The following OPCML variants were observed in gnomAD, a reference collection of about 807,000 sequenced individuals.
OPCML encodes the protein opioid binding protein/cell adhesion molecule like.
In OPCML, 13 loss-of-function variants were observed where a neutral mutation model predicts 37.8. The observed-to-expected ratio is 0.34, with a 90% CI of 0.22 to 0.55. OPCML has a LOEUF of 0.55. OPCML is among the 20% of genes least tolerant of loss of function. The pLI, the probability that OPCML is intolerant of heterozygous loss-of-function variation, is 0.91. For missense variants in OPCML, 341 were observed against 435.6 expected (o/e 0.78, Z 1.93); for synonymous variants, 176 against 168.8 (o/e 1.04, Z -0.33).
chr11:133,343,045 C>A (rs1474716430), intron 1 of OPCML, among the ~76,000 whole-genome samples: 2 of 152,122 alleles, frequency 1.3e-5, no homozygotes, highest in South Asian at 2.1e-4. Context: ...CCCAGGCTGG[C>A]CTTGACCTCC....
At chr11:133,073,085 A>G (rs1167305763) in intron 1 of OPCML, among the ~76,000 whole-genome samples, 10 of 152,200 alleles carry the variant, frequency 6.6e-5, no homozygotes, top group Admixed American at 5.2e-4. Flanking sequence ...CTTCTGAGGA[A>G]CCAGGTACGA....
rs1465354180 is a variant in OPCML at position 132,419,336 on chromosome 11, G to A, written c.*857C>T. The A allele has an allele frequency of 6.6e-6, 1 of 152,214 alleles. No homozygotes were observed. The highest frequency in any genetic ancestry group is 1.5e-5 in the Non-Finnish European group (1 of 68,044). 9.4% of individuals were successfully genotyped at this position (152,214 alleles called of 1,614,324 possible). On this transcript the variant is annotated 3_prime_UTR_variant, in exon 8 of 8. Transcript: ENST00000524381. Reference sequence around the variant, plus strand: ...ACAGGTGGGTAGATAATTGGATGGTGAGATAAATCAGATATTTGAGTAGAT... The same window carrying A: ...ACAGGTGGGTAGATAATTGGATGGTAAGATAAATCAGATATTTGAGTAGAT...
intron 1 of OPCML, among the ~76,000 whole-genome samples, chr11:133,083,179 CCG>C (rs1204884979): frequency 2.6e-5 from 4 of 152,298 alleles, no homozygotes; most frequent in African/African-American, 4.8e-5. Flanking sequence ...GCCGAGCGGG[CCG>C]CACAGTCACT....
At chr11:133,500,713 T>G (rs958766099) in intron 1 of OPCML, among the ~76,000 whole-genome samples, 3 of 152,310 alleles carry the variant, frequency 2.0e-5, no homozygotes, top group Admixed American at 1.3e-4. Context: ...GCTCCCTTAA[T>G]TCAAGTCAGT....
At chr11:133,463,932 A>T (rs181392488) in intron 1 of OPCML, among the ~76,000 whole-genome samples, 1 of 152,314 alleles carries the variant, frequency 6.6e-6, no homozygotes, top group East Asian at 1.9e-4. Flanking sequence ...CTTCATCGGC[A>T]TCTCCACATT....
intron 1 of OPCML, among the ~76,000 whole-genome samples, chr11:133,378,545 T>C (rs1248490033): frequency 6.6e-6 from 1 of 152,218 alleles, no homozygotes; most frequent in Non-Finnish European, 1.5e-5. Context: ...AAAATATTTA[T>C]TTTTACTTCT....
intron 2 of OPCML, among the ~76,000 whole-genome samples, chr11:132,858,142 C>T (rs1261814028): frequency 6.6e-6 from 1 of 152,210 alleles, no homozygotes; most frequent in Non-Finnish European, 1.5e-5. Context: ...ATCTGACAGC[C>T]TAATTTTCTA....
chr11:132,659,226 T>C (rs1045720320), intron 2 of OPCML, among the ~76,000 whole-genome samples: 1 of 152,232 alleles, frequency 6.6e-6, no homozygotes, highest in Non-Finnish European at 1.5e-5. Flanking sequence ...TATGAAGACC[T>C]AATGGATCTT....
In OPCML at chr11:132,557,453, C is replaced by A. The variant is rs886579056; in HGVS notation, c.380-28267G>T. Among the ~76,000 whole-genome samples, 4 of 152,250 alleles carry A rather than the reference C, an allele frequency of 2.6e-5. No homozygotes were observed. In the South Asian group the frequency reaches 6.2e-4, roughly 24 times the overall value. On this transcript the variant is annotated intron_variant, in intron 3 of 7. Coordinates refer to ENST00000524381, the MANE Select transcript of OPCML (RefSeq NM_001012393.5). The stretch of plus-strand genomic sequence containing the variant: ...AAGCCTTACTCTGTCGGTGCCCAAC[C>A]CCCCTGCTCTGGAAAATGGGATGCT...
At chr11:132,505,576 C>T (rs972704027) in intron 4 of OPCML, among the ~76,000 whole-genome samples, 6 of 152,016 alleles carry the variant, frequency 3.9e-5, no homozygotes, top group Admixed American at 1.3e-4. Flanking sequence ...TTGAGATGAA[C>T]GAAAACGTCC....
At chr11:132,937,938 G>A (rs1347524495) in intron 2 of OPCML, among the ~76,000 whole-genome samples, 2 of 151,836 alleles carry the variant, frequency 1.3e-5, no homozygotes, top group Non-Finnish European at 2.9e-5. Flanking sequence ...ACTTTGCATA[G>A]TTTGGATCAG....
intron 1 of OPCML, chr11:133,421,095 C>G (rs775978241): frequency 7.0e-5 from 69 of 985,252 alleles, no homozygotes; most frequent in Non-Finnish European, 8.0e-5. Flanking sequence ...AATCTGCGGT[C>G]AGCAGGGCAG....
chr11:133,249,879 G>A (rs556923674), intron 1 of OPCML, among the ~76,000 whole-genome samples: 157 of 152,208 alleles, frequency 1.0e-3, no homozygotes, highest in African/African-American at 3.5e-3. Context: ...TCAGAAGCAC[G>A]ATGAAAAAAA....
intron 3 of OPCML, among the ~76,000 whole-genome samples, chr11:132,619,699 A>T (rs2137906708): frequency 6.6e-6 from 1 of 151,166 alleles, no homozygotes; most frequent in African/African-American, 2.4e-5. Flanking sequence ...AAAAAAAAAA[A>T]AAATTAGCCG....
chr11:132,610,552 C>T (rs1938576123), intron 3 of OPCML, among the ~76,000 whole-genome samples: 3 of 152,144 alleles, frequency 2.0e-5, no homozygotes, highest in Non-Finnish European at 2.9e-5. Flanking sequence ...AGAAAATGAA[C>T]TCGGTGAGAG....
intron 1 of OPCML, among the ~76,000 whole-genome samples, chr11:133,232,053 T>C (rs1940302073): frequency 6.6e-6 from 1 of 152,126 alleles, no homozygotes; most frequent in African/African-American, 2.4e-5. Flanking sequence ...TGAAACAAAT[T>C]CACTGAAGGC....
intron 2 of OPCML, among the ~76,000 whole-genome samples, chr11:132,842,360 A>T (rs1941333308): frequency 1.3e-5 from 2 of 152,204 alleles, no homozygotes; most frequent in South Asian, 4.1e-4. Flanking sequence ...ACGGGAACTC[A>T]GGGAAGCTGT....
At chr11:132,926,474 C>T (rs1356560639) in intron 2 of OPCML, among the ~76,000 whole-genome samples, 1 of 152,006 alleles carries the variant, frequency 6.6e-6, no homozygotes, top group Admixed American at 6.6e-5. Context: ...TAAAAATAGC[C>T]ATGTGTATAC....
intron 2 of OPCML, among the ~76,000 whole-genome samples, chr11:132,871,198 T>A (rs900479966): frequency 2.0e-5 from 3 of 149,170 alleles, no homozygotes; most frequent in Admixed American, 6.7e-5. Flanking sequence ...TTAATTAAAA[T>A]TTTTTAACTT....
Sources: allele counts gnomAD v4.1 joint callset (sites outside exome capture counted in the v4.1 genomes callset), GRCh38; gene constraint gnomAD v4.1.1; transcripts MANE v1.5; gene names NCBI Gene and HGNC (gene_info 2026-07-23, HGNC 2026-07-21).